The following UTRN variants were observed in gnomAD, a reference collection of about 807,000 sequenced individuals.
The protein encoded by UTRN is utrophin.
Under a neutral mutation model 463.9 loss-of-function variants are expected in UTRN, and 283 were observed. The ratio of observed to expected loss-of-function variants is 0.61; its 90% CI spans 0.55 to 0.67. The LOEUF is 0.67. Among genes scored for constraint, UTRN ranks in the 30% least tolerant of loss-of-function variants. The pLI, the probability that UTRN is intolerant of heterozygous loss-of-function variation, is 0.00. For synonymous variants in UTRN, 1,442 were observed against 1,431.5 expected (o/e 1.01, Z -0.17); for missense variants, 3,922 against 4,084.3 (o/e 0.96, Z 1.08).
chr6:144,752,622 A>G (rs1404364500), intron 56 of UTRN, among the ~76,000 whole-genome samples: 3 of 152,220 alleles, frequency 2.0e-5, no homozygotes, highest in African/African-American at 7.2e-5. Flanking sequence ...ACAATATTTT[A>G]CAATCTTAGT....
intron 49 of UTRN, among the ~76,000 whole-genome samples, chr6:144,556,490 T>C (rs1392570691): frequency 6.6e-6 from 1 of 152,246 alleles, no homozygotes; most frequent in Non-Finnish European, 1.5e-5. Context: ...TCTGAAACCT[T>C]AGGCTGATTT....
At chr6:144,569,156 A>C (rs1800698232) in intron 50 of UTRN, among the ~76,000 whole-genome samples, 1 of 152,062 alleles carries the variant, frequency 6.6e-6, no homozygotes, top group Non-Finnish European at 1.5e-5. Flanking sequence ...GGTGGAGGAA[A>C]CAACTAAGCT....
intron 24 of UTRN, among the ~76,000 whole-genome samples, 168 bp from the exon 25 acceptor site, chr6:144,474,436 C>A (rs1253920508): frequency 6.6e-6 from 1 of 152,036 alleles, no homozygotes. Flanking sequence ...ATATCAAGCA[C>A]CCAGGTGAAA....
intron 51 of UTRN, among the ~76,000 whole-genome samples, chr6:144,638,519 G>T (rs1354704118): frequency 1.3e-5 from 2 of 152,168 alleles, no homozygotes; most frequent in Non-Finnish European, 2.9e-5. Context: ...AACAGTGAAA[G>T]AAGTCACTTA....
chr6:144,404,321 G>A (rs891984235), intron 3 of UTRN, among the ~76,000 whole-genome samples: 2 of 152,232 alleles, frequency 1.3e-5, no homozygotes, highest in African/African-American at 4.8e-5. Context: ...CAAATCACAT[G>A]CAGGTGTGTT....
rs1562954905 is a variant in UTRN at position 144,824,597 on chromosome 6, TA to T, written c.9495-2750del. On this transcript the variant is annotated intron_variant, in intron 66 of 74. Coordinates refer to ENST00000367545, the MANE Select transcript of UTRN (RefSeq NM_007124.3). ...TTATATATATATATATATATATATATATATATATATATATATCTTTTTTTTT... is the reference window on the plus strand; with the variant it reads ...TTATATATATATATATATATATATATTATATATATATATATCTTTTTTTTT... Among the ~76,000 whole-genome samples, 133 of 61,486 alleles carry T rather than the reference TA, an allele frequency of 2.2e-3. 1 individual carries two copies. The highest frequency in any genetic ancestry group is 7.1e-3 in the African/African-American group (78 of 10,944). The allele number at this position is 61,486 out of a possible 152,430, so 40.3% of individuals were successfully genotyped here.
chr6:144,750,927 A>C (rs1791326035), intron 55 of UTRN, among the ~76,000 whole-genome samples: 1 of 152,184 alleles, frequency 6.6e-6, no homozygotes, highest in African/African-American at 2.4e-5. Context: ...GACCTTGCTC[A>C]GAGGTGGCAT....
intron 2 of UTRN, among the ~76,000 whole-genome samples, chr6:144,399,390 CT>C (rs1233375861): frequency 2.0e-5 from 3 of 152,250 alleles, no homozygotes; most frequent in African/African-American, 4.8e-5. Flanking sequence ...ATCTGAAATG[CT>C]TTTGTTACTT....
At chr6:144,688,288 T>A (rs986840668) in intron 52 of UTRN, among the ~76,000 whole-genome samples, 9 of 152,172 alleles carry the variant, frequency 5.9e-5, no homozygotes, top group Non-Finnish European at 1.2e-4. Context: ...TTTTATAACT[T>A]CTTTATGTTG....
intron 2 of UTRN, among the ~76,000 whole-genome samples, chr6:144,354,481 C>T (rs1022413278): frequency 6.6e-6 from 1 of 152,172 alleles, no homozygotes; most frequent in Non-Finnish European, 1.5e-5. Context: ...TTGTTGGACC[C>T]AACTGGATTA....
intron 65 of UTRN, among the ~76,000 whole-genome samples, chr6:144,813,244 A>G: frequency 6.6e-6 from 1 of 151,932 alleles, no homozygotes; most frequent in Non-Finnish European, 1.5e-5. Flanking sequence ...AGCTGGAAGC[A>G]ATGGCGCAAT....
At position 144,562,430 on chromosome 6, in the gene UTRN, C is replaced by CA. The variant is rs1463611413; in HGVS notation, c.7289+5120dup. Among the ~76,000 whole-genome samples, 5 of 152,120 alleles carry CA rather than the reference C, an allele frequency of 3.3e-5. No homozygotes were observed. In the East Asian group the frequency reaches 9.6e-4, roughly 29 times the overall value. ...CCATGTGTTCTCATTGTTGAGCTCA[C>CA]ATTTATAAGTGAGAACATGCGGTGT... On this transcript the variant is annotated intron_variant, in intron 50 of 74. Transcript: ENST00000367545.
At chr6:144,465,600 TG>T (rs1282877528) in intron 23 of UTRN, among the ~76,000 whole-genome samples, 1 of 152,216 alleles carries the variant, frequency 6.6e-6, no homozygotes. Flanking sequence ...ACTTCTTCAT[TG>T]AAATACATGT....
chr6:144,351,833 C>T (rs1384880016), intron 2 of UTRN, among the ~76,000 whole-genome samples: 1 of 152,176 alleles, frequency 6.6e-6, no homozygotes, highest in African/African-American at 2.4e-5. Flanking sequence ...AGGCACCTTG[C>T]ACAGATTCTT....
intron 53 of UTRN, among the ~76,000 whole-genome samples, chr6:144,727,493 C>A (rs575268437): frequency 6.6e-6 from 1 of 152,136 alleles, no homozygotes; most frequent in Non-Finnish European, 1.5e-5. Flanking sequence ...GCGTGGTGGC[C>A]CATGCCTATA....
chr6:144,577,927 G>A (rs2128625067), intron 51 of UTRN, among the ~76,000 whole-genome samples: 1 of 152,312 alleles, frequency 6.6e-6, no homozygotes, highest in African/African-American at 2.4e-5. Context: ...TTCATGCGGA[G>A]TGTGGTGCCT....
chr6:144,584,869 A>G (rs756624303), intron 51 of UTRN, among the ~76,000 whole-genome samples: 9 of 152,152 alleles, frequency 5.9e-5, no homozygotes, highest in Non-Finnish European at 8.8e-5. Flanking sequence ...GGATAAGTTT[A>G]TTCTGGTAAA....
At position 144,423,579 on chromosome 6, in the gene UTRN, G is replaced by T. The variant is rs1238102109; in HGVS notation, c.265G>T (p.Ala89Ser). Reference sequence around the variant, plus strand: ...GGAACGTGGTTCCACAAGGGTACATGCCTTAAATAACGTCAACAGAGTGCT... The same window carrying T: ...GGAACGTGGTTCCACAAGGGTACATTCCTTAAATAACGTCAACAGAGTGCT... ...PKERGSTRVH[A>S]LNNVNRVLQV... Residue 89 changes from alanine (A) to serine (S), a missense_variant, in exon 5 of 75, where the codon GCC becomes TCC. This residue lies in a region of UTRN where 264 missense variants were observed against 327.9 expected (regional missense o/e 0.81). Transcript: ENST00000367545. 6.8e-6 allele frequency: 11 copies of T among 1,614,232 alleles called. No individual in the cohort carries two copies. Among genetic ancestry groups the T allele is most frequent in the Non-Finnish European group, 9.3e-6 (11 of 1,180,052 alleles).
intron 2 of UTRN, among the ~76,000 whole-genome samples, chr6:144,340,631 C>A (rs75515471): frequency 6.6e-6 from 1 of 152,102 alleles, no homozygotes; most frequent in Non-Finnish European, 1.5e-5. Context: ...TGCTATTGAG[C>A]TATAATAGAG....
Sources: gnomAD v4.1 joint callset for allele counts (sites outside exome capture counted in the v4.1 genomes callset) on GRCh38, gnomAD v4.1.1 for gene constraint, gnomAD v4.1.1 regional missense constraint, MANE v1.5 for transcripts, NCBI Gene and HGNC (gene_info 2026-07-23, HGNC 2026-07-21) for gene names.